Variants in CUBN observed in about 807,000 individuals in gnomAD.
The protein encoded by CUBN is cubilin.
In CUBN, 282 loss-of-function variants were observed where a neutral mutation model predicts 405.3. The observed-to-expected ratio is 0.70, with a 90% CI of 0.63 to 0.77. CUBN has a LOEUF of 0.77. CUBN is among the 30% of genes least tolerant of loss of function. The pLI, the probability that CUBN is intolerant of heterozygous loss-of-function variation, is 0.00. For missense variants in CUBN, 4,514 were observed against 4,475.2 expected (o/e 1.01, Z -0.25); for synonymous variants, 1,684 against 1,617.0 (o/e 1.04, Z -0.99).
At chr10:16,844,847 G>A (rs1162205778) in intron 60 of CUBN, among the ~76,000 whole-genome samples, 4 of 152,002 alleles carry the variant, frequency 2.6e-5, no homozygotes, top group Non-Finnish European at 4.4e-5. Flanking sequence ...TGAGGAGGGG[G>A]AATCATATAT....
chr10:16,992,880 A>T (rs937990243), intron 28 of CUBN, among the ~76,000 whole-genome samples: 11 of 152,222 alleles, frequency 7.2e-5, no homozygotes, highest in Non-Finnish European at 1.6e-4. Context: ...AAAAAACACA[A>T]GTACCGTAAA....
At position 16,906,240 on chromosome 10, in the gene CUBN, G is replaced by A. The variant is rs748182975; in HGVS notation, c.7875C>T (p.His2625=). ...IHFEDFYLES[H]QDCQFDVLEF... ...CGAGGACATCAAATTGACAGTCTTG[G>A]TGACTTTCTAGGTAAAAATCTTCAA... Residue 2625 remains histidine (H), a synonymous_variant, in exon 50 of 67, where the codon CAC becomes CAT. Coordinates refer to ENST00000377833, the MANE Select transcript of CUBN (RefSeq NM_001081.4). 2 of 1,614,070 alleles carry A rather than the reference G, an allele frequency of 1.2e-6. No homozygotes were observed. Among genetic ancestry groups the A allele is most frequent in the East Asian group, 4.5e-5 (2 of 44,876 alleles).
chr10:16,845,602 T>C (rs984740309), intron 60 of CUBN, among the ~76,000 whole-genome samples: 5 of 152,224 alleles, frequency 3.3e-5, no homozygotes, highest in African/African-American at 1.2e-4. Context: ...GCAGGAGTTT[T>C]CCTAGTATTG....
chr10:17,074,092 T>G (rs1835799375), intron 17 of CUBN, among the ~76,000 whole-genome samples: 1 of 152,222 alleles, frequency 6.6e-6, no homozygotes. Context: ...AAATATTAAT[T>G]CATTCACTTC....
intron 59 of CUBN, among the ~76,000 whole-genome samples, chr10:16,859,407 T>C (rs1839952287): frequency 6.6e-6 from 1 of 152,140 alleles, no homozygotes. Flanking sequence ...ACATGAGATA[T>C]TAATACACAC....
intron 32 of CUBN, among the ~76,000 whole-genome samples, chr10:16,952,722 C>T (rs753296734): frequency 6.6e-6 from 1 of 152,322 alleles, no homozygotes; most frequent in East Asian, 1.9e-4. Flanking sequence ...TAGGGATAAT[C>T]TGCTTATAAA....
In CUBN at chr10:17,126,771, C is replaced by A. The variant is rs752636288; in HGVS notation, c.377G>T (p.Gly126Val). ...TAGCATGAGACCTACCTGCTGCAAG[C>A]CTTGGAATTTTCTCTCAAGATCCAC... The part of the protein sequence containing the change: ...KLVDLERKFQ[G>V]LQQTVDKKVC... Residue 126 changes from glycine (G) to valine (V), a missense_variant, in exon 4 of 67, where the codon GGC (glycine) becomes GTC (valine). This residue lies in a region of CUBN where 1,448 missense variants were observed against 1,388.0 expected (regional missense o/e 1.04). Transcript: ENST00000377833. The A allele has an allele frequency of 6.2e-7, 1 of 1,614,128 alleles. No homozygotes were observed. The highest frequency in any genetic ancestry group is 8.5e-7 in the Non-Finnish European group (1 of 1,180,014).
intron 64 of CUBN, among the ~76,000 whole-genome samples, chr10:16,834,629 C>T (rs554575325): frequency 9.2e-5 from 14 of 152,282 alleles, no homozygotes; most frequent in Admixed American, 8.5e-4. Context: ...TTTTACAGAA[C>T]CAGCATGTTG....
chr10:16,918,850 T>A (rs375708943), intron 44 of CUBN, 50 bp from the exon 45 acceptor site: 117 of 1,502,392 alleles, frequency 7.8e-5, no homozygotes, highest in Non-Finnish European at 1.0e-4. Flanking sequence ...GATGCTTATT[T>A]TGATAATGAC....
At chr10:16,953,832 CAG>C (rs968358107) in intron 32 of CUBN, among the ~76,000 whole-genome samples, 1 of 145,392 alleles carries the variant, frequency 6.9e-6, no homozygotes, top group East Asian at 2.1e-4. Context: ...GCCTGGGTGA[CAG>C]AGAGAGACCC....
chr10:17,118,408 G>A (rs1836954238), intron 6 of CUBN, among the ~76,000 whole-genome samples: 1 of 152,132 alleles, frequency 6.6e-6, no homozygotes, highest in Admixed American at 6.5e-5. Context: ...AGAGTTATAT[G>A]AAGATGCTGC....
chr10:16,924,493 T>C (rs1842124398), intron 43 of CUBN, among the ~76,000 whole-genome samples: 1 of 152,184 alleles, frequency 6.6e-6, no homozygotes, highest in Non-Finnish European at 1.5e-5. Flanking sequence ...CAATAAAACA[T>C]ATGATTTCAT....
chr10:17,008,136 A>C (rs968921932), intron 28 of CUBN, among the ~76,000 whole-genome samples: 4 of 152,014 alleles, frequency 2.6e-5, no homozygotes, highest in African/African-American at 9.7e-5. Context: ...GGGAAATAGA[A>C]TGACACCTCG....
Position 17,128,399 on chromosome 10 carries a change from A to C in CUBN, c.253-475T>G, listed in dbSNP as rs115957096. Among the ~76,000 whole-genome samples the C allele has an allele frequency of 4.2e-3, 640 of 152,344 alleles. 6 individuals carry two copies. The highest frequency in any genetic ancestry group is 0.013 in the African/African-American group (561 of 41,582). On this transcript the variant is annotated intron_variant, in intron 2 of 66. Transcript: ENST00000377833. ...CTAAGCACAGTGGATGGCCCACAGTAAGCTCTGAATAATGCTGACTTCTAA... is the reference window on the plus strand; with the variant it reads ...CTAAGCACAGTGGATGGCCCACAGTCAGCTCTGAATAATGCTGACTTCTAA...
At chr10:16,850,405 G>C (rs896683863) in intron 60 of CUBN, among the ~76,000 whole-genome samples, 1 of 152,090 alleles carries the variant, frequency 6.6e-6, no homozygotes, top group African/African-American at 2.4e-5. Context: ...AACCTGATAG[G>C]TATAATAATT....
chr10:16,901,710 TG>T (rs1449835146), intron 51 of CUBN, among the ~76,000 whole-genome samples: 3 of 151,326 alleles, frequency 2.0e-5, no homozygotes, highest in African/African-American at 7.3e-5. Flanking sequence ...AAAAATTAGC[TG>T]GGCTTGGTGG....
Position 17,129,266 on chromosome 10 carries a change from G to A in CUBN, c.123-16C>T, listed in dbSNP as rs2281648. On this transcript the variant is annotated splice_polypyrimidine_tract_variant and intron_variant, in intron 1 of 66. Transcript: ENST00000377833. ...CATTCGAGGCCTATATAATTCAAAC[G>A]AGAGAATGCATCAGTAATTAGCAAG... The A allele has an allele frequency of 1.9e-6, 3 of 1,613,098 alleles. No homozygotes were observed. In the Admixed American group the frequency reaches 5.0e-5, roughly 27 times the overall value.
In CUBN at chr10:17,068,913, C is replaced by CA. The variant is rs200919613; in HGVS notation, c.2626-144dup. On this transcript the variant is annotated intron_variant, in intron 19 of 66. Coordinates refer to ENST00000377833, the MANE Select transcript of CUBN (RefSeq NM_001081.4). ...ATTTTAGCACATTTTAGTCACCCCC[C>CA]AAAAAACACTCATATCCTTTAGCAG... The CA allele has an allele frequency of 2.0e-3, 1,388 of 699,878 alleles. 16 individuals carry two copies. In the African/African-American group the frequency reaches 0.02, roughly 10 times the overall value. 43.4% of individuals were successfully genotyped at this position (699,878 alleles called of 1,614,324 possible). A position where few individuals can be genotyped will look rare whatever the true frequency, so the allele number is the denominator to read the frequency against.
Position 16,939,714 on chromosome 10 carries a change from T to C in CUBN, c.5548+318A>G, listed in dbSNP as rs183395075. On this transcript the variant is annotated intron_variant, in intron 37 of 66. Transcript: ENST00000377833. ...ATGAAATCAAATGAAACACACTTGA[T>C]ATAAATACACCAAACCCAAACTATA... is the stretch of plus-strand genomic sequence containing the variant. Among the ~76,000 whole-genome samples the C allele has an allele frequency of 4.3e-4, 65 of 152,274 alleles. No homozygotes were observed. The East Asian group carries it at 0.012, about 27-fold the overall frequency.
Sources: allele counts gnomAD v4.1 joint callset (sites outside exome capture counted in the v4.1 genomes callset), GRCh38; gene constraint gnomAD v4.1.1; regional missense constraint gnomAD v4.1.1; transcripts MANE v1.5; gene names NCBI Gene and HGNC (gene_info 2026-07-23, HGNC 2026-07-21).